Variants in LRRTM4 observed in about 807,000 individuals in gnomAD.
LRRTM4 encodes the protein leucine-rich repeat transmembrane neuronal protein 4.
LRRTM4 carries 25 observed loss-of-function variants against 47.6 expected under a neutral mutation model. The observed-to-expected ratio is 0.53, with a 90% CI of 0.38 to 0.73. LRRTM4 has a LOEUF of 0.73. Ranked by LOEUF, LRRTM4 falls within the 30% of genes least tolerant of loss-of-function variation. The probability of loss-of-function intolerance (pLI) is 0.00; values close to 1 mark genes in which losing one functional copy is unlikely to be tolerated. For missense variants in LRRTM4, 638 were observed against 713.4 expected, an observed-to-expected ratio of 0.89 and a Z score of 1.20; for synonymous variants, 311 against 269.5, an observed-to-expected ratio of 1.15 and a Z score of -1.51.
chr2:76,873,123 C>A (rs1672673878), intron 3 of LRRTM4, among the ~76,000 whole-genome samples: 1 of 152,086 alleles, frequency 6.6e-6, no homozygotes, highest in South Asian at 2.1e-4. Context: ...TTCCAGCATA[C>A]TATACAGTAA....
intron 3 of LRRTM4, among the ~76,000 whole-genome samples, chr2:76,837,559 C>T (rs1671550435): frequency 6.6e-6 from 1 of 152,204 alleles, no homozygotes; most frequent in East Asian, 1.9e-4. Flanking sequence ...GAATGTGTCC[C>T]AGAGATTCCA....
intron 3 of LRRTM4, among the ~76,000 whole-genome samples, chr2:77,220,796 A>G (rs1018000112): frequency 1.4e-4 from 21 of 152,328 alleles, no homozygotes; most frequent in Admixed American, 1.0e-3. Flanking sequence ...ATATTATCCA[A>G]GAGAACTTCC....
At chr2:77,421,535 T>G (rs1049231122) in intron 3 of LRRTM4, among the ~76,000 whole-genome samples, 12 of 151,906 alleles carry the variant, frequency 7.9e-5, no homozygotes, top group South Asian at 6.2e-4. Flanking sequence ...GTGAAACCCC[T>G]TCTCTACTAA....
rs200113147 is a variant in LRRTM4, at chr2:76,799,879, G to A, written c.1552-50963C>T. On this transcript the variant is annotated intron_variant, in intron 3 of 3. Transcript: ENST00000409884. ...TGCTTCAAAGAGAATAAAATACCTA[G>A]GAATCCAACTTACAAGGGATGAGAA... Among the ~76,000 whole-genome samples the A allele has an allele frequency of 1.3e-3, 194 of 148,790 alleles. 3 individuals carry two copies. The East Asian group carries it at 0.03, about 23-fold the overall frequency.
intron 3 of LRRTM4, among the ~76,000 whole-genome samples, chr2:76,929,755 C>T (rs950009372): frequency 2.7e-4 from 41 of 152,242 alleles, no homozygotes; most frequent in African/African-American, 9.6e-4. Flanking sequence ...CACCAAACCA[C>T]ATATCCTAGC....
Position 77,006,182 on chromosome 2 carries a change from G to A in LRRTM4, c.1552-257266C>T, listed in dbSNP as rs140341899. 4.3e-3 allele frequency among the ~76,000 whole-genome samples: 660 copies of A among 152,130 alleles called. 4 individuals carry two copies. The highest frequency in any genetic ancestry group is 0.014 in the Middle Eastern group (4 of 294). ...TTTATGTTTTAAACAAAGGACATTC[G>A]TTTCTTAAGGGGTAAAAATATGGCT... On this transcript the variant is annotated intron_variant, in intron 3 of 3. Coordinates refer to ENST00000409884, the MANE Select transcript of LRRTM4 (RefSeq NM_001134745.3).
intron 3 of LRRTM4, among the ~76,000 whole-genome samples, chr2:77,299,360 T>C (rs1257793258): frequency 1.3e-5 from 2 of 151,324 alleles, no homozygotes; most frequent in African/African-American, 2.4e-5. Flanking sequence ...TATGTATATA[T>C]GTGTGTATAT....
At chr2:76,774,197 T>C (rs540372406) in intron 3 of LRRTM4, among the ~76,000 whole-genome samples, 1 of 152,116 alleles carries the variant, frequency 6.6e-6, no homozygotes, top group South Asian at 2.1e-4. Context: ...TTTTTATTTT[T>C]AGTTTTTAGA....
chr2:76,974,002 T>A (rs908365660), intron 3 of LRRTM4, among the ~76,000 whole-genome samples: 4 of 151,604 alleles, frequency 2.6e-5, no homozygotes, highest in Non-Finnish European at 4.4e-5. Context: ...TACTGTCCAG[T>A]GCTTTTTGCC....
intron 3 of LRRTM4, among the ~76,000 whole-genome samples, chr2:77,136,474 T>C (rs1671946117): frequency 6.6e-6 from 1 of 152,166 alleles, no homozygotes; most frequent in African/African-American, 2.4e-5. Flanking sequence ...AAACCCCATC[T>C]GTATGTCACC....
At chr2:77,473,711 G>T (rs1677276289) in intron 3 of LRRTM4, among the ~76,000 whole-genome samples, 1 of 152,118 alleles carries the variant, frequency 6.6e-6, no homozygotes, top group Non-Finnish European at 1.5e-5. Flanking sequence ...GATTTGTGTT[G>T]ATTTTCAATA....
At chr2:77,146,999 T>A (rs528339129) in intron 3 of LRRTM4, among the ~76,000 whole-genome samples, 11 of 152,318 alleles carry the variant, frequency 7.2e-5, no homozygotes, top group African/African-American at 1.2e-4. Flanking sequence ...GCAAATCTGA[T>A]TTTATAAAAA....
intron 3 of LRRTM4, among the ~76,000 whole-genome samples, chr2:76,874,921 A>G (rs1672736261): frequency 6.6e-6 from 1 of 152,110 alleles, no homozygotes; most frequent in Admixed American, 6.6e-5. Context: ...TCATGTATTC[A>G]TCAGATATTT....
intron 3 of LRRTM4, among the ~76,000 whole-genome samples, chr2:76,871,366 T>C (rs964653509): frequency 9.9e-5 from 15 of 152,170 alleles, no homozygotes; most frequent in South Asian, 4.1e-4. Flanking sequence ...CATCATTGCC[T>C]AGTAGTTAGC....
At chr2:77,072,259 A>G (rs188594683) in intron 3 of LRRTM4, among the ~76,000 whole-genome samples, 1 of 152,288 alleles carries the variant, frequency 6.6e-6, no homozygotes, top group African/African-American at 2.4e-5. Flanking sequence ...TTCTGACTCT[A>G]TTTAAAAAGT....
intron 3 of LRRTM4, among the ~76,000 whole-genome samples, chr2:77,461,695 A>C (rs375714464): frequency 1.3e-5 from 2 of 152,104 alleles, no homozygotes; most frequent in African/African-American, 2.4e-5. Context: ...ACTTCTTCAC[A>C]GTTAATTGAA....
intron 3 of LRRTM4, among the ~76,000 whole-genome samples, chr2:77,325,941 T>C (rs1169249550): frequency 6.6e-6 from 1 of 152,210 alleles, no homozygotes; most frequent in African/African-American, 2.4e-5. Context: ...TACTCTTAGC[T>C]TTGCTGTGCT....
chr2:77,403,404 A>T (rs969060950), intron 3 of LRRTM4, among the ~76,000 whole-genome samples: 1 of 151,890 alleles, frequency 6.6e-6, no homozygotes, highest in African/African-American at 2.4e-5. Flanking sequence ...TATTTCCAGG[A>T]CTTAGTACAG....
chr2:77,450,766 C>T (rs975453367), intron 3 of LRRTM4, among the ~76,000 whole-genome samples: 1 of 152,062 alleles, frequency 6.6e-6, no homozygotes, highest in Non-Finnish European at 1.5e-5. Flanking sequence ...CACCTTATAG[C>T]TAGCCAATTA....
Sources: gnomAD v4.1 joint callset for allele counts (sites outside exome capture counted in the v4.1 genomes callset) on GRCh38, gnomAD v4.1.1 for gene constraint, MANE v1.5 for transcripts, NCBI Gene and HGNC (gene_info 2026-07-23, HGNC 2026-07-21) for gene names.